AGAP1: variants seen among roughly 807,000 people sequenced by gnomAD.
AGAP1 encodes ArfGAP with GTPase domain, ankyrin repeat and PH domain 1.
In AGAP1, 29 loss-of-function variants were observed where a neutral mutation model predicts 105.3. The observed-to-expected ratio is 0.28, with a 90% confidence interval of 0.21 to 0.38. AGAP1 has a LOEUF of 0.38. Ranked by LOEUF, AGAP1 falls within the 10% of genes least tolerant of loss-of-function variation. The pLI is 1.00. For missense variants in AGAP1, 998 were observed against 1,165.1 expected (o/e 0.86, Z 2.09); for synonymous variants, 509 against 485.9 (o/e 1.05, Z -0.63).
At chr2:235,682,686 G>A (rs925303877) in intron 1 of AGAP1, among the ~76,000 whole-genome samples, 1 of 152,048 alleles carries the variant, frequency 6.6e-6, no homozygotes, top group African/African-American at 2.4e-5. Context: ...CCTTTAGCAA[G>A]TTATTTAACT....
rs2053001396 is a variant in AGAP1 at position 235,936,584 on chromosome 2, C to A, written c.1483+5661C>A. ...CACTTTCCAGCAAGCATGTCCACACCATTCATCAATTTTAATCATTATAGT... is the reference window on the plus strand; with the variant it reads ...CACTTTCCAGCAAGCATGTCCACACAATTCATCAATTTTAATCATTATAGT... On this transcript the variant is annotated intron_variant, in intron 12 of 17. Coordinates refer to ENST00000304032, the MANE Select transcript of AGAP1 (RefSeq NM_001037131.3). The surrounding 1 kb of genome is among the most constrained non-coding windows in gnomAD (Gnocchi z 4.7). Among the ~76,000 whole-genome samples the A allele has an allele frequency of 6.6e-6, 1 of 152,198 alleles. No individual in the cohort carries two copies. The highest frequency in any genetic ancestry group is 1.9e-4 in the East Asian group (1 of 5,208).
chr2:236,091,908 C>G (rs1447361174), intron 16 of AGAP1, among the ~76,000 whole-genome samples: 2 of 152,186 alleles, frequency 1.3e-5, no homozygotes, highest in Admixed American at 6.5e-5. Context: ...AGCTGTAGAC[C>G]ATCCACACTG....
intron 13 of AGAP1, among the ~76,000 whole-genome samples, chr2:236,029,441 ATT>A (rs34156847): frequency 0.028 from 3,844 of 138,226 alleles, 178 homozygotes; most frequent in African/African-American, 0.093. Flanking sequence ...ACACCCAGCC[ATT>A]TTTTTTTTTT....
chr2:235,547,992 C>G (rs1168337125), intron 1 of AGAP1, among the ~76,000 whole-genome samples: 1 of 152,244 alleles, frequency 6.6e-6, no homozygotes, highest in Non-Finnish European at 1.5e-5. Flanking sequence ...CATGAGAATG[C>G]AGGTATAGCG....
Position 235,867,118 on chromosome 2 carries a change from G to A in AGAP1, c.1051-16227G>A. On this transcript the variant is annotated intron_variant, in intron 9 of 17. Coordinates refer to ENST00000304032, the MANE Select transcript of AGAP1 (RefSeq NM_001037131.3). The surrounding 1 kb of genome is among the most constrained non-coding windows in gnomAD (Gnocchi z 5.4). ...CTCACCAGGATGGCCAGAGGAAGGGGCAGGATGCAAGAAGGACATTTCAGG... is the reference window on the plus strand; with the variant it reads ...CTCACCAGGATGGCCAGAGGAAGGGACAGGATGCAAGAAGGACATTTCAGG... 6.6e-6 allele frequency among the ~76,000 whole-genome samples: 1 copy of A among 152,202 alleles called. No homozygotes were observed. The highest frequency in any genetic ancestry group is 1.9e-4 in the East Asian group (1 of 5,184).
chr2:235,867,969 TTAATTAGAA>T lies in AGAP1; in HGVS notation c.1051-15363_1051-15355del. Among the ~76,000 whole-genome samples, 1 of 152,178 alleles carries T rather than the reference TTAATTAGAA, an allele frequency of 6.6e-6. No homozygotes were observed. The highest frequency in any genetic ancestry group is 1.5e-5 in the Non-Finnish European group (1 of 68,032). On this transcript the variant is annotated intron_variant, in intron 9 of 17. Coordinates refer to ENST00000304032, the MANE Select transcript of AGAP1 (RefSeq NM_001037131.3). This position sits in a 1 kb window ranked among gnomAD's most constrained non-coding sequence, Gnocchi z 5.4. ...ATACATGTTTATAGGGGGAAAAATC[TTAATTAGAA>T]TAATTAGAATAAAATTATTAAATGC... is the stretch of plus-strand genomic sequence containing the variant.
At position 235,635,664 on chromosome 2, in the gene AGAP1, C is replaced by G. The variant is rs1475093651; in HGVS notation, c.164-73515C>G. Among the ~76,000 whole-genome samples the G allele has an allele frequency of 1.3e-5, 2 of 152,036 alleles. No homozygotes were observed. Among genetic ancestry groups the G allele is most frequent in the African/African-American group, 4.8e-5 (2 of 41,392 alleles). The stretch of plus-strand genomic sequence containing the variant: ...TCAGAGTTAGCCATGGCACCTTCTC[C>G]AAAGCTGCCTCGCTCCTGCACTGAT... On this transcript the variant is annotated intron_variant, in intron 1 of 17. Coordinates refer to ENST00000304032, the MANE Select transcript of AGAP1 (RefSeq NM_001037131.3). This position sits in a 1 kb window ranked among gnomAD's most constrained non-coding sequence, Gnocchi z 5.3.
chr2:235,627,184 G>C (rs1031955288), intron 1 of AGAP1, among the ~76,000 whole-genome samples: 29 of 122,244 alleles, frequency 2.4e-4, no homozygotes, highest in African/African-American at 8.8e-4. Context: ...GCCCCAGGCT[G>C]TTTTGAGGTT....
Position 235,721,453 on chromosome 2 carries a change from T to G in AGAP1, c.310+3809T>G, listed in dbSNP as rs1559395518. Among the ~76,000 whole-genome samples the G allele has an allele frequency of 6.6e-6, 1 of 151,896 alleles. No homozygotes were observed. Among genetic ancestry groups the G allele is most frequent in the African/African-American group, 2.4e-5 (1 of 41,312 alleles). On this transcript the variant is annotated intron_variant, in intron 3 of 17. Coordinates refer to ENST00000304032, the MANE Select transcript of AGAP1 (RefSeq NM_001037131.3). The surrounding 1 kb of genome is among the most constrained non-coding windows in gnomAD (Gnocchi z 4.5). ...GAAATCAGTCAAAGAGTAAACCTCT[T>G]GGATTGACAGATTCCTTAATATTAT... is the stretch of plus-strand genomic sequence containing the variant.
chr2:235,684,738 G>A (rs1949288125), intron 1 of AGAP1, among the ~76,000 whole-genome samples: 1 of 152,152 alleles, frequency 6.6e-6, no homozygotes. Flanking sequence ...TACCATCCAT[G>A]GCTGCTTGAG....
intron 1 of AGAP1, among the ~76,000 whole-genome samples, chr2:235,513,658 G>T (rs1942251367): frequency 6.6e-6 from 1 of 152,066 alleles, no homozygotes; most frequent in Non-Finnish European, 1.5e-5. Flanking sequence ...TGCCATTTTG[G>T]TGCCACACTT....
rs2057718190 is a variant in AGAP1, at chr2:236,046,384, C to T, written c.1892-2675C>T. On this transcript the variant is annotated intron_variant, in intron 15 of 17. Coordinates refer to ENST00000304032, the MANE Select transcript of AGAP1 (RefSeq NM_001037131.3). This position sits in a 1 kb window ranked among gnomAD's most constrained non-coding sequence, Gnocchi z 5.2. ...CGGGCAAGGCCGCAGACAGGAGCCC[C>T]TTGCACCCCAGTTGCGATGCTGGTG... is the stretch of plus-strand genomic sequence containing the variant. Among the ~76,000 whole-genome samples the T allele has an allele frequency of 6.6e-6, 1 of 152,162 alleles. No individual in the cohort carries two copies. Among genetic ancestry groups the T allele is most frequent in the Admixed American group, 6.5e-5 (1 of 15,284 alleles).
intron 13 of AGAP1, among the ~76,000 whole-genome samples, chr2:235,984,997 T>G (rs1480636319): frequency 6.6e-6 from 1 of 152,218 alleles, no homozygotes; most frequent in Non-Finnish European, 1.5e-5. Flanking sequence ...CAAATGGTAT[T>G]TCTGGCTCTA....
chr2:235,616,710 C>T (rs925462997), intron 1 of AGAP1, among the ~76,000 whole-genome samples: 8 of 152,200 alleles, frequency 5.3e-5, no homozygotes, highest in African/African-American at 1.4e-4. Context: ...AACTTGAAAA[C>T]GCTTGGTGCC....
At chr2:235,966,108 G>A (rs2054380767) in intron 12 of AGAP1, among the ~76,000 whole-genome samples, 1 of 148,290 alleles carries the variant, frequency 6.7e-6, no homozygotes, top group Non-Finnish European at 1.5e-5. Context: ...TTCCTCTGGG[G>A]ATGGAGGAGA....
chr2:235,638,728 G>A lies in AGAP1; in HGVS notation c.164-70451G>A, dbSNP rs557461001. On this transcript the variant is annotated intron_variant, in intron 1 of 17. Transcript: ENST00000304032. ...TGTCCTGGAGTCACATGGCTGCTCT[G>A]GCTTGCCAGTGGAGAACAGGCTGAG... Among the ~76,000 whole-genome samples the A allele has an allele frequency of 7.2e-5, 11 of 152,324 alleles. No individual in the cohort carries two copies. The South Asian group carries it at 2.3e-3, about 32-fold the overall frequency.
chr2:235,762,723 C>T (rs1012764720), intron 6 of AGAP1, among the ~76,000 whole-genome samples: 1 of 152,158 alleles, frequency 6.6e-6, no homozygotes, highest in Middle Eastern at 3.4e-3. Context: ...CAAAAAAGAA[C>T]TTAGCTGAGC....
chr2:236,083,475 A>G lies in AGAP1; in HGVS notation c.2114+34194A>G, dbSNP rs147751929. Among the ~76,000 whole-genome samples, 124 of 152,312 alleles carry G rather than the reference A, an allele frequency of 8.1e-4. 1 individual carries two copies. The highest frequency in any genetic ancestry group is 3.4e-3 in the Middle Eastern group (1 of 294). On this transcript the variant is annotated intron_variant, in intron 16 of 17. Transcript: ENST00000304032. The surrounding 1 kb of genome is among the most constrained non-coding windows in gnomAD (Gnocchi z 5.3). ...TCAAAGTTGGTGCCTAAATGCTGCAACTGATTCTTCTATTATTTTGAAGAG... is the reference window on the plus strand; with the variant it reads ...TCAAAGTTGGTGCCTAAATGCTGCAGCTGATTCTTCTATTATTTTGAAGAG...
chr2:235,949,985 G>A (rs754918151), intron 12 of AGAP1, among the ~76,000 whole-genome samples: 2 of 152,184 alleles, frequency 1.3e-5, no homozygotes, highest in African/African-American at 4.8e-5. Context: ...TGTAGCCAGC[G>A]CTGGGAAGTC....
Sources: gnomAD v4.1 joint callset for allele counts (sites outside exome capture counted in the v4.1 genomes callset) on GRCh38, gnomAD v4.1.1 for gene constraint, Gnocchi (gnomAD v3.1) non-coding constraint, MANE v1.5 for transcripts, NCBI Gene and HGNC (gene_info 2026-07-23, HGNC 2026-07-21) for gene names.